The following POU2F2 variants were observed in gnomAD, a reference collection of about 807,000 sequenced individuals.
POU2F2 encodes POU class 2 homeobox 2, also known as POU domain, class 2, transcription factor 2.
In POU2F2, 14 loss-of-function variants were observed where a neutral mutation model predicts 63.5. The observed-to-expected ratio is 0.22, with a 90% CI of 0.15 to 0.34. The LOEUF (loss-of-function observed/expected upper bound fraction) is 0.34, where lower values mean the gene tolerates loss of function less well. POU2F2 is among the 10% of genes least tolerant of loss of function. POU2F2 has a pLI of 1.00. For synonymous variants in POU2F2, 306 were observed against 348.6 expected, an observed-to-expected ratio of 0.88 and a Z score of 1.36; for missense variants, 607 against 815.2, an observed-to-expected ratio of 0.74 and a Z score of 3.11.
chr19:42,177,068 G>A (rs1007475517), upstream of POU2F2: 21 of 150,148 alleles, frequency 1.4e-4, no homozygotes, highest in Admixed American at 6.6e-4. Context: ...GGGAGGGCAG[G>A]CGGGCGGGCG....
intron 7 of POU2F2, among the ~76,000 whole-genome samples, chr19:42,098,277 G>T (rs748132506): frequency 4.6e-5 from 7 of 152,046 alleles, no homozygotes; most frequent in Non-Finnish European, 1.0e-4. Context: ...GCTGGGTGTG[G>T]TGGCGCATGC....
At chr19:42,177,655 C>G (rs2034911568), upstream of POU2F2, among the ~76,000 whole-genome samples, 1 of 149,610 alleles carries the variant, frequency 6.7e-6, no homozygotes, top group Non-Finnish European at 1.5e-5. Flanking sequence ...CTGAGAGACA[C>G]AGAGACACAC....
upstream of POU2F2, among the ~76,000 whole-genome samples, chr19:42,197,914 G>A (rs905054069): frequency 6.6e-6 from 1 of 152,126 alleles, no homozygotes; most frequent in Non-Finnish European, 1.5e-5. Flanking sequence ...AGCAGCTCAC[G>A]CCTGTAATCC....
At chr19:42,140,126 A>T (rs1256179088) in intron 2 of POU2F2, among the ~76,000 whole-genome samples, 1 of 152,218 alleles carries the variant, frequency 6.6e-6, no homozygotes, top group Non-Finnish European at 1.5e-5. Flanking sequence ...TGTGCTCACC[A>T]GGGTCTCTGA....
upstream of POU2F2, among the ~76,000 whole-genome samples, chr19:42,180,894 A>T (rs976513230): frequency 5.0e-5 from 7 of 140,200 alleles, no homozygotes; most frequent in African/African-American, 1.6e-4. Flanking sequence ...ACACCCATCT[A>T]TTTTTTTTTT....
chr19:42,089,714 A>G lies in POU2F2; in HGVS notation c.*1543T>C, dbSNP rs1032242090. 20 of 146,898 alleles carry G rather than the reference A, an allele frequency of 1.4e-4. No homozygotes were observed. The highest frequency in any genetic ancestry group is 7.5e-4 in the Admixed American group (11 of 14,718). 9.1% of individuals were successfully genotyped at this position (146,898 alleles called of 1,614,324 possible). ...AGTCCTCATCTTCTTTCCCTTTTATATATATATATATATATATGTTTATAT... is the reference window on the plus strand; with the variant it reads ...AGTCCTCATCTTCTTTCCCTTTTATGTATATATATATATATATGTTTATAT... On this transcript the variant is annotated 3_prime_UTR_variant, in exon 15 of 15. Transcript: ENST00000692977.
intron 1 of POU2F2, among the ~76,000 whole-genome samples, chr19:42,166,166 A>G (rs2034645260): frequency 1.3e-5 from 2 of 152,232 alleles, no homozygotes; most frequent in Admixed American, 6.5e-5. Flanking sequence ...GCACAGGAGC[A>G]CAAGCTCCCC....
At chr19:42,192,384 A>T (rs1349569778) in intron 1 of POU2F2, among the ~76,000 whole-genome samples, 1 of 152,114 alleles carries the variant, frequency 6.6e-6, no homozygotes, top group East Asian at 1.9e-4. Flanking sequence ...CATCCCTTTG[A>T]GATGTCCCCA....
chr19:42,095,349 G>A lies in POU2F2; in HGVS notation c.1134C>T (p.Asn378=), dbSNP rs1446424545. The A allele has an allele frequency of 6.2e-7, 1 of 1,613,892 alleles. No individual in the cohort carries two copies. Among genetic ancestry groups the A allele is most frequent in the Non-Finnish European group, 8.5e-7 (1 of 1,180,014 alleles). The stretch of plus-strand genomic sequence containing the variant: ...GCAGCATGGGGGCCGCACTGCAGGG[G>A]TTGATGCGTTTCTCCTTCTGGCGCC... The part of the protein sequence containing the change: ...CNRRQKEKRI[N]PCSAAPMLPS... Residue 378 remains asparagine, a synonymous_variant, in exon 11 of 15, where the codon AAC becomes AAT. Transcript: ENST00000692977. This position sits in a 1 kb window ranked among gnomAD's most constrained non-coding sequence, Gnocchi z 7.1.
chr19:42,175,245 C>CA (rs989569253), intron 1 of POU2F2, among the ~76,000 whole-genome samples: 3 of 152,156 alleles, frequency 2.0e-5, no homozygotes, highest in Non-Finnish European at 4.4e-5. Context: ...GGGACAGACC[C>CA]AAACCCCCAC....
intron 1 of POU2F2, among the ~76,000 whole-genome samples, chr19:42,193,154 C>G (rs537038796): frequency 1.9e-4 from 28 of 146,174 alleles, no homozygotes; most frequent in Non-Finnish European, 3.3e-4. Context: ...GGAGGCGGAG[C>G]TTGCAGTGAG....
intron 5 of POU2F2, chr19:42,110,653 G>A (rs2030941379): frequency 2.2e-6 from 1 of 450,220 alleles, no homozygotes; most frequent in South Asian, 1.6e-5. Flanking sequence ...CTGGGCCTTG[G>A]AGCCCAGAAT....
At position 42,169,396 on chromosome 19, in the gene POU2F2, G is replaced by C. The variant is rs144280038; in HGVS notation, c.-70+6567C>G. On this transcript the variant is annotated intron_variant, in intron 1 of 6. Transcript: ENST00000524801. The surrounding 1 kb of genome is among the most constrained non-coding windows in gnomAD (Gnocchi z 4.3). ...CCCTGAGAGGTCTCAGCACCTATGT[G>C]CCTGCACAGACATCTGGGTTTTCAT... is the stretch of plus-strand genomic sequence containing the variant. Among the ~76,000 whole-genome samples the C allele has an allele frequency of 6.6e-6, 1 of 152,232 alleles. No homozygotes were observed.
rs770602045 is a variant in POU2F2, at chr19:42,153,258, C to T, written c.-9+7074G>A. ...CTGCACATACCCGAGCGTCTTGGCC[C>T]GAGTCATGTCTGTGTGTGAACATGA... On this transcript the variant is annotated intron_variant, in intron 2 of 6. Coordinates refer to the POU2F2 transcript ENST00000524801. This position sits in a 1 kb window ranked among gnomAD's most constrained non-coding sequence, Gnocchi z 5.6. Among the ~76,000 whole-genome samples the T allele has an allele frequency of 6.6e-6, 1 of 151,988 alleles. No individual in the cohort carries two copies. Among genetic ancestry groups the T allele is most frequent in the Non-Finnish European group, 1.5e-5 (1 of 67,980 alleles).
chr19:42,165,582 G>C (rs2034634058), intron 1 of POU2F2, among the ~76,000 whole-genome samples: 1 of 152,156 alleles, frequency 6.6e-6, no homozygotes, highest in Non-Finnish European at 1.5e-5. Flanking sequence ...ACTTCTGTGG[G>C]GCAGAAGAGC....
chr19:42,092,165 A>T lies in POU2F2; in HGVS notation c.1370T>A (p.Val457Asp). The change falls in exon 13 of 15, where the codon GTC (valine) becomes GAC (aspartate). Residue 457 changes from valine (V) to aspartate (D), a missense_variant. Physicochemically the swap from Val to Asp is radical, Grantham distance 152. Transcript: ENST00000692977. This position sits in a 1 kb window ranked among gnomAD's most constrained non-coding sequence, Gnocchi z 5.0. ...GGTGGTGGCCGGGGGTGGGGGAGTG[A>T]CAGAGGGGATGGAATTGAGGGGGGG... ...AAPPLNSIPS[V>D]TPPPPATTNS... 2 of 1,559,388 alleles carry T rather than the reference A, an allele frequency of 1.3e-6. No homozygotes were observed. The highest frequency in any genetic ancestry group is 1.7e-6 in the Non-Finnish European group (2 of 1,147,562).
At chr19:42,098,780 GA>G (rs796391299) in intron 7 of POU2F2, among the ~76,000 whole-genome samples, 1 of 152,164 alleles carries the variant, frequency 6.6e-6, no homozygotes, top group Admixed American at 6.5e-5. Flanking sequence ...AAAATGGGTA[GA>G]AAAAAACTTT....
At position 42,096,163 on chromosome 19, in the gene POU2F2, G is replaced by C. The variant is rs1344471354; in HGVS notation, c.648C>G (p.Pro216=). ...GCTCCTCCAGATCACTGGGCTCCTCGGGGTGGGATGGTGGCTCCAAGCATT... is the reference window on the plus strand; with the variant it reads ...GCTCCTCCAGATCACTGGGCTCCTCCGGGTGGGATGGTGGCTCCAAGCATT... The part of the protein sequence containing the change: ...PPKCLEPPSH[P]EEPSDLEELE... Residue 216 remains proline, a synonymous_variant, in exon 8 of 15, where the codon CCC becomes CCG. Coordinates refer to ENST00000692977, the MANE Select transcript of POU2F2 (RefSeq NM_001394376.1). This position sits in a 1 kb window ranked among gnomAD's most constrained non-coding sequence, Gnocchi z 4.1. 1.2e-6 allele frequency: 2 copies of C among 1,613,608 alleles called. No individual in the cohort carries two copies. Among genetic ancestry groups the C allele is most frequent in the African/African-American group, 2.7e-5 (2 of 74,908 alleles).
rs897220409 is a variant in POU2F2 at position 42,155,134 on chromosome 19, C to T, written c.-9+5198G>A. On this transcript the variant is annotated intron_variant, in intron 2 of 6. Coordinates refer to the POU2F2 transcript ENST00000524801. This position sits in a 1 kb window ranked among gnomAD's most constrained non-coding sequence, Gnocchi z 4.2. ...CAGTCCTGCCCACCTGCCTCAGCTG[C>T]AGCTGCCCCGCACTGTTTTTTCTTT... Among the ~76,000 whole-genome samples the T allele has an allele frequency of 9.9e-5, 15 of 152,250 alleles. No individual in the cohort carries two copies. Among genetic ancestry groups the T allele is most frequent in the African/African-American group, 3.1e-4 (13 of 41,462 alleles).
Sources: gnomAD v4.1 joint callset for allele counts (sites outside exome capture counted in the v4.1 genomes callset) on GRCh38, gnomAD v4.1.1 for gene constraint, Gnocchi (gnomAD v3.1) non-coding constraint, MANE v1.5 for transcripts, NCBI Gene and HGNC (gene_info 2026-07-23, HGNC 2026-07-21) for gene names.